The following SHB variants were observed in gnomAD, a reference collection of about 807,000 sequenced individuals.
SHB encodes the protein SH2 domain-containing adapter protein B.
SHB carries 20 observed loss-of-function variants against 52.3 expected under a neutral mutation model. That is an observed-to-expected ratio of 0.38 (90% CI 0.27 to 0.56). SHB has a LOEUF of 0.56. Ranked by LOEUF, SHB falls within the 20% of genes least tolerant of loss-of-function variation. The probability of loss-of-function intolerance (pLI) is 0.71; values close to 1 mark genes in which losing one functional copy is unlikely to be tolerated. For synonymous variants in SHB, 397 were observed against 316.5 expected, an observed-to-expected ratio of 1.25 and a Z score of -2.70; for missense variants, 825 against 723.3, an observed-to-expected ratio of 1.14 and a Z score of -1.61.
chr9:38,059,159 G>T (rs1237319363), intron 1 of SHB, among the ~76,000 whole-genome samples: 2 of 152,206 alleles, frequency 1.3e-5, no homozygotes, highest in African/African-American at 2.4e-5. Context: ...ACTTGGCATG[G>T]GCTCTCACAG....
intron 5 of SHB, among the ~76,000 whole-genome samples, chr9:37,934,746 C>T (rs1832349666): frequency 6.6e-6 from 1 of 152,250 alleles, no homozygotes; most frequent in Admixed American, 6.5e-5. Flanking sequence ...CTCATTCTGG[C>T]AGCTTTTTGA....
At chr9:38,065,979 T>TC (rs1322228741) in intron 1 of SHB, among the ~76,000 whole-genome samples, 1 of 152,150 alleles carries the variant, frequency 6.6e-6, no homozygotes, top group Non-Finnish European at 1.5e-5. Context: ...CCCTTGCCCT[T>TC]CATCCCTCCT....
intron 2 of SHB, among the ~76,000 whole-genome samples, chr9:38,012,676 T>C (rs1231335057): frequency 2.0e-5 from 3 of 151,816 alleles, no homozygotes; most frequent in African/African-American, 4.8e-5. Flanking sequence ...AGGTGGCAAG[T>C]GACCATCCCA....
chr9:37,968,752 T>C (rs1301081612), intron 3 of SHB, among the ~76,000 whole-genome samples: 1 of 152,192 alleles, frequency 6.6e-6, no homozygotes, highest in Non-Finnish European at 1.5e-5. Context: ...ATTAAAGACA[T>C]AGCCGTTTAC....
intron 5 of SHB, among the ~76,000 whole-genome samples, chr9:37,934,238 G>A (rs541249390): frequency 6.6e-6 from 1 of 152,292 alleles, no homozygotes; most frequent in Admixed American, 6.5e-5. Flanking sequence ...ACATGCAAGT[G>A]TCATCAGGTA....
chr9:37,971,164 C>T (rs1414867194), intron 3 of SHB, among the ~76,000 whole-genome samples: 3 of 152,174 alleles, frequency 2.0e-5, no homozygotes, highest in African/African-American at 4.8e-5. Context: ...TACTCACTGA[C>T]CACACCAACG....
At chr9:37,972,108 G>A (rs1820597064) in intron 3 of SHB, among the ~76,000 whole-genome samples, 1 of 152,192 alleles carries the variant, frequency 6.6e-6, no homozygotes, top group Non-Finnish European at 1.5e-5. Context: ...CAGCCCCTGA[G>A]AGGCCCACAG....
At chr9:37,989,107 A>G (rs958422813) in intron 2 of SHB, among the ~76,000 whole-genome samples, 1 of 151,080 alleles carries the variant, frequency 6.6e-6, no homozygotes, top group African/African-American at 2.5e-5. Flanking sequence ...TCACACACAC[A>G]TTTTATTGGC....
chr9:37,937,028 C>G (rs938005394), intron 5 of SHB, among the ~76,000 whole-genome samples: 16 of 152,260 alleles, frequency 1.1e-4, no homozygotes, highest in African/African-American at 3.6e-4. Flanking sequence ...CAACTGGCCC[C>G]TCCTCCAGGA....
chr9:37,998,650 A>G (rs1449430563), intron 2 of SHB, among the ~76,000 whole-genome samples: 1 of 152,150 alleles, frequency 6.6e-6, no homozygotes, highest in African/African-American at 2.4e-5. Flanking sequence ...ACGGGGTTTC[A>G]CCATGTTGCC....
At chr9:38,030,620 C>T (rs909234820) in intron 1 of SHB, among the ~76,000 whole-genome samples, 1 of 152,102 alleles carries the variant, frequency 6.6e-6, no homozygotes, top group East Asian at 1.9e-4. Context: ...CCTGTGCAGT[C>T]GCAAAAGGCC....
rs140429424 is a variant in SHB at position 38,019,566 on chromosome 9, C to A, written c.718-3435G>T. ...TGGCCACACTTCCCTATGGACTGGT[C>A]AGAGTTTTAGTTGCTTTTGTGGGAC... On this transcript the variant is annotated intron_variant, in intron 1 of 5. Coordinates refer to ENST00000377707, the MANE Select transcript of SHB (RefSeq NM_003028.3). Among the ~76,000 whole-genome samples the A allele has an allele frequency of 4.1e-3, 630 of 152,350 alleles. 4 individuals are homozygous for A. Among genetic ancestry groups the A allele is most frequent in the African/African-American group, 0.014 (580 of 41,570 alleles).
chr9:38,014,222 C>T (rs1194136048), intron 2 of SHB, among the ~76,000 whole-genome samples: 1 of 152,080 alleles, frequency 6.6e-6, no homozygotes, highest in African/African-American at 2.4e-5. Flanking sequence ...CTCAATGATC[C>T]CTCCCCACCC....
At chr9:37,963,297 A>C (rs1287575017) in intron 3 of SHB, among the ~76,000 whole-genome samples, 1 of 152,204 alleles carries the variant, frequency 6.6e-6, no homozygotes, top group Non-Finnish European at 1.5e-5. Flanking sequence ...TGACCCTCTC[A>C]GTTCTCCAGT....
At chr9:37,928,733 G>A (rs1832278707) in intron 5 of SHB, among the ~76,000 whole-genome samples, 1 of 152,242 alleles carries the variant, frequency 6.6e-6, no homozygotes, top group South Asian at 2.1e-4. Context: ...AAGTGTGAAC[G>A]TCTGACGAAT....
In SHB at chr9:37,919,951, A is replaced by C. The variant is rs1254889573; in HGVS notation, c.1400T>G (p.Val467Gly). ...GAACGGAGGGCTGTTCTGACCCAGA[A>C]CGTATTTCTCTTTGGTTTTGGCCAG... ...MKLAKTKEKY[V>G]LGQNSPPFDS... The change falls in exon 6 of 6, where the codon GTT becomes GGT. Residue 467 changes from valine (V) to glycine (G), a missense_variant. Coordinates refer to ENST00000377707, the MANE Select transcript of SHB (RefSeq NM_003028.3). 6.2e-7 allele frequency: 1 copy of C among 1,614,122 alleles called. No individual in the cohort carries two copies. Among genetic ancestry groups the C allele is most frequent in the Non-Finnish European group, 8.5e-7 (1 of 1,179,986 alleles).
chr9:37,971,719 T>C (rs1181810013), intron 3 of SHB, among the ~76,000 whole-genome samples: 1 of 152,236 alleles, frequency 6.6e-6, no homozygotes, highest in Non-Finnish European at 1.5e-5. Flanking sequence ...ACACCTGTGA[T>C]GGCAACTCTG....
intron 2 of SHB, among the ~76,000 whole-genome samples, chr9:37,996,328 T>A (rs1564097453): frequency 6.6e-6 from 1 of 152,200 alleles, no homozygotes; most frequent in Non-Finnish European, 1.5e-5. Context: ...TGAGCTTAGC[T>A]GGTACTCATG....
At chr9:37,994,131 T>C (rs185178083) in intron 2 of SHB, among the ~76,000 whole-genome samples, 1 of 152,348 alleles carries the variant, frequency 6.6e-6, no homozygotes, top group Admixed American at 6.5e-5. Context: ...TATCCCTTTG[T>C]TACTTTATAG....
Sources: allele counts gnomAD v4.1 joint callset (sites outside exome capture counted in the v4.1 genomes callset), GRCh38; gene constraint gnomAD v4.1.1; transcripts MANE v1.5; gene names NCBI Gene and HGNC (gene_info 2026-07-23, HGNC 2026-07-21).